Variants in PRDM16 observed in about 807,000 individuals in gnomAD.
PRDM16 encodes the protein PR/SET domain 16.
In PRDM16, 23 loss-of-function variants were observed where a neutral mutation model predicts 110.6. The ratio of observed to expected loss-of-function variants is 0.21; its 90% CI spans 0.15 to 0.29. The LOEUF (loss-of-function observed/expected upper bound fraction) is 0.29. Ranked by LOEUF, PRDM16 falls within the 10% of genes least tolerant of loss-of-function variation. PRDM16 has a pLI of 1.00. For missense variants in PRDM16, 1,615 were observed against 1,794.3 expected (o/e 0.90, Z 1.81); for synonymous variants, 799 against 781.8 (o/e 1.02, Z -0.37).
chr1:3,336,044 C>T (rs1378708082), intron 3 of PRDM16, among the ~76,000 whole-genome samples: 5 of 152,210 alleles, frequency 3.3e-5, no homozygotes, highest in East Asian at 1.9e-4. Context: ...CCCAGAGTAT[C>T]GCTGACGCTG....
Position 3,255,694 on chromosome 1 carries a change from C to T in PRDM16, c.438+11557C>T, listed in dbSNP as rs1640027811. Among the ~76,000 whole-genome samples, 1 of 152,216 alleles carries T rather than the reference C, an allele frequency of 6.6e-6. No individual in the cohort carries two copies. The highest frequency in any genetic ancestry group is 1.5e-5 in the Non-Finnish European group (1 of 68,036). On this transcript the variant is annotated intron_variant, in intron 3 of 16. Coordinates refer to ENST00000270722, the MANE Select transcript of PRDM16 (RefSeq NM_022114.4). The surrounding 1 kb of genome is among the most constrained non-coding windows in gnomAD (Gnocchi z 4.7). ...GGTTGGGCCCAGTTTGTCCTGACTG[C>T]CTGCCCCCCTTGGATGCCAGAGCTA...
At position 3,190,663 on chromosome 1, in the gene PRDM16, T is replaced by C. The variant is rs1220657550; in HGVS notation, c.387+4189T>C. On this transcript the variant is annotated intron_variant, in intron 2 of 16. Transcript: ENST00000270722. The surrounding 1 kb of genome is among the most constrained non-coding windows in gnomAD (Gnocchi z 5.0). Reference sequence around the variant, plus strand: ...GGAAGTGCACCCGAAATTCCTGGCCTCCTCCATCTGGACACAGCCGGGCTC... The same window carrying C: ...GGAAGTGCACCCGAAATTCCTGGCCCCCTCCATCTGGACACAGCCGGGCTC... Among the ~76,000 whole-genome samples, 1 of 152,026 alleles carries C rather than the reference T, an allele frequency of 6.6e-6. No homozygotes were observed. Among genetic ancestry groups the C allele is most frequent in the African/African-American group, 2.4e-5 (1 of 41,396 alleles).
intron 1 of PRDM16, among the ~76,000 whole-genome samples, chr1:3,136,784 T>C (rs1209964352): frequency 6.6e-6 from 1 of 152,192 alleles, no homozygotes; most frequent in Non-Finnish European, 1.5e-5. Context: ...AAACCCTTCC[T>C]TCAGACAGCT....
At chr1:3,269,669 C>T (rs770653536) in intron 3 of PRDM16, among the ~76,000 whole-genome samples, 1 of 90,434 alleles carries the variant, frequency 1.1e-5, no homozygotes, top group Non-Finnish European at 1.9e-5. Flanking sequence ...GGAGGACAGT[C>T]CCAGAGTAGG....
At chr1:3,100,754 G>A (rs542438347) in intron 1 of PRDM16, among the ~76,000 whole-genome samples, 19 of 152,324 alleles carry the variant, frequency 1.2e-4, no homozygotes, top group African/African-American at 4.6e-4. Context: ...GGTCCTGTGG[G>A]GTGGAATGTG....
chr1:3,160,383 A>G (rs1007484824), intron 1 of PRDM16, among the ~76,000 whole-genome samples: 2 of 151,874 alleles, frequency 1.3e-5, no homozygotes, highest in African/African-American at 4.8e-5. Context: ...TGGCTGGGGG[A>G]GGGGGCTTTG....
At chr1:3,223,350 T>C (rs184462100) in intron 2 of PRDM16, among the ~76,000 whole-genome samples, 16 of 152,168 alleles carry the variant, frequency 1.1e-4, no homozygotes, top group Admixed American at 9.8e-4. Context: ...ATGCCTGTTA[T>C]CGTTTGGCTG....
chr1:3,268,366 A>AT (rs1640348867), intron 3 of PRDM16, among the ~76,000 whole-genome samples: 5 of 152,236 alleles, frequency 3.3e-5, no homozygotes, highest in Admixed American at 6.5e-5. Flanking sequence ...CCCTTAATTA[A>AT]TGGACTACGG....
chr1:3,394,060 T>A lies in PRDM16; in HGVS notation c.574-2431T>A, dbSNP rs548426480. Among the ~76,000 whole-genome samples the A allele has an allele frequency of 1.4e-3, 210 of 152,050 alleles. 1 individual carries two copies. Among genetic ancestry groups the A allele is most frequent in the African/African-American group, 4.9e-3 (204 of 41,508 alleles). On this transcript the variant is annotated intron_variant, in intron 4 of 16. Coordinates refer to ENST00000270722, the MANE Select transcript of PRDM16 (RefSeq NM_022114.4). Reference sequence around the variant, plus strand: ...GGAGGGGAGGGTCCCCCGGCAAGTCTGCTGCCCTCGGAGCCGGGGTGGGGT... The same window carrying A: ...GGAGGGGAGGGTCCCCCGGCAAGTCAGCTGCCCTCGGAGCCGGGGTGGGGT...
intron 3 of PRDM16, among the ~76,000 whole-genome samples, chr1:3,264,564 G>A (rs1360219766): frequency 6.8e-6 from 1 of 146,250 alleles, no homozygotes; most frequent in Non-Finnish European, 1.5e-5. Context: ...GGCATGGAGG[G>A]ACATCTGAGG....
chr1:3,093,944 G>A (rs1020920797), intron 1 of PRDM16, among the ~76,000 whole-genome samples: 3 of 152,240 alleles, frequency 2.0e-5, no homozygotes, highest in African/African-American at 4.8e-5. Flanking sequence ...CCTGAGCCCC[G>A]AGAATTTTTT....
At chr1:3,340,360 G>A (rs1642247552) in intron 3 of PRDM16, among the ~76,000 whole-genome samples, 1 of 152,148 alleles carries the variant, frequency 6.6e-6, no homozygotes, top group African/African-American at 2.4e-5. Flanking sequence ...GGGACAGATG[G>A]CACCAGTGTG....
chr1:3,146,429 G>T lies in PRDM16; in HGVS notation c.38-39696G>T, dbSNP rs570966076. ...TGCCTTGCCATCCGTTGTCAAAGGT[G>T]TGAGGGGTGTGTGTGCACATGTGTT... On this transcript the variant is annotated intron_variant, in intron 1 of 16. Transcript: ENST00000270722. Among the ~76,000 whole-genome samples the T allele has an allele frequency of 5.9e-5, 9 of 152,396 alleles. 1 individual carries two copies. In the South Asian group the frequency reaches 1.9e-3, roughly 32 times the overall value.
At chr1:3,313,312 G>C (rs1012524223) in intron 3 of PRDM16, among the ~76,000 whole-genome samples, 2 of 152,240 alleles carry the variant, frequency 1.3e-5, no homozygotes, top group Non-Finnish European at 2.9e-5. Flanking sequence ...AGTCAGCGCC[G>C]AGCGGTGAGT....
At chr1:3,154,018 G>A (rs1447208528) in intron 1 of PRDM16, among the ~76,000 whole-genome samples, 1 of 152,228 alleles carries the variant, frequency 6.6e-6, no homozygotes, top group Non-Finnish European at 1.5e-5. Flanking sequence ...GGAAAATACA[G>A]TAAAATCAGC....
At chr1:3,401,087 G>T (rs532553904) in intron 5 of PRDM16, among the ~76,000 whole-genome samples, 3 of 152,150 alleles carry the variant, frequency 2.0e-5, no homozygotes, top group African/African-American at 7.2e-5. Context: ...CTGAGGACCC[G>T]CCAGGGGTGC....
chr1:3,394,532 A>C (rs1643355291), intron 4 of PRDM16: 2 of 416,730 alleles, frequency 4.8e-6, no homozygotes, highest in African/African-American at 4.2e-5. Flanking sequence ...AGTGGAGCCA[A>C]GGGGCGGGCG....
rs182298891 is a variant in PRDM16, at chr1:3,246,908, C to G, written c.438+2771C>G. Among the ~76,000 whole-genome samples, 235 of 152,236 alleles carry G rather than the reference C, an allele frequency of 1.5e-3. 3 individuals are homozygous for G. Among genetic ancestry groups the G allele is most frequent in the African/African-American group, 5.3e-3 (222 of 41,548 alleles). On this transcript the variant is annotated intron_variant, in intron 3 of 16. Transcript: ENST00000270722. The surrounding 1 kb of genome is among the most constrained non-coding windows in gnomAD (Gnocchi z 5.2). ...CAGGAAGACCAGGACAGACAGCCCTCGAGTGGGCGTCAGTCCAGACGGAGA... is the reference window on the plus strand; with the variant it reads ...CAGGAAGACCAGGACAGACAGCCCTGGAGTGGGCGTCAGTCCAGACGGAGA...
intron 3 of PRDM16, among the ~76,000 whole-genome samples, chr1:3,257,799 G>A (rs938008098): frequency 9.8e-5 from 15 of 152,294 alleles, no homozygotes; most frequent in African/African-American, 2.2e-4. Flanking sequence ...ATCGGAGCCC[G>A]CACAGTCGGA....
Sources: gnomAD v4.1 joint callset for allele counts (sites outside exome capture counted in the v4.1 genomes callset) on GRCh38, gnomAD v4.1.1 for gene constraint, Gnocchi (gnomAD v3.1) non-coding constraint, MANE v1.5 for transcripts, NCBI Gene and HGNC (gene_info 2026-07-23, HGNC 2026-07-21) for gene names.